Variants in PCDHA6 observed in about 807,000 individuals in gnomAD.
PCDHA6 encodes protocadherin alpha-6.
In PCDHA6, 55 loss-of-function variants were observed where a neutral mutation model predicts 60.3. The ratio of observed to expected loss-of-function variants is 0.91; its 90% CI spans 0.73 to 1.14. The LOEUF (loss-of-function observed/expected upper bound fraction) is 1.14. Among genes scored for constraint, PCDHA6 ranks in the 50% most tolerant of loss-of-function variants. The pLI is 0.00. For synonymous variants in PCDHA6, 652 were observed against 557.9 expected, an observed-to-expected ratio of 1.17 and a Z score of -2.38; for missense variants, 1,327 against 1,256.5, an observed-to-expected ratio of 1.06 and a Z score of -0.85.
intron 1 of PCDHA6, chr5:140,842,066 G>A: frequency 6.2e-7 from 1 of 1,613,874 alleles, no homozygotes; most frequent in Non-Finnish European, 8.5e-7. Flanking sequence ...TGAATACGAA[G>A]TAAGAATATT....
intron 1 of PCDHA6, among the ~76,000 whole-genome samples, chr5:140,874,231 G>T (rs1554167098): frequency 6.6e-6 from 1 of 152,124 alleles, no homozygotes; most frequent in African/African-American, 2.4e-5. Flanking sequence ...GGAATGAATG[G>T]CAACAAATTA....
chr5:140,834,669 T>G (rs2150223867), intron 1 of PCDHA6: 1 of 1,614,208 alleles, frequency 6.2e-7, no homozygotes, highest in East Asian at 2.2e-5. Context: ...CGAGGAGCTG[T>G]GCGGGCGGAG....
chr5:141,000,173 C>T (rs2097895007), intron 3 of PCDHA6, among the ~76,000 whole-genome samples: 1 of 151,968 alleles, frequency 6.6e-6, no homozygotes, highest in Non-Finnish European at 1.5e-5. Flanking sequence ...ATTATTGAGC[C>T]AAGGAGTCAA....
chr5:140,884,312 G>T, intron 1 of PCDHA6: 1 of 1,613,768 alleles, frequency 6.2e-7, no homozygotes, highest in Non-Finnish European at 8.5e-7. Flanking sequence ...TTCGTCGAGG[G>T]CGTCGGCAGG....
At position 140,828,262 on chromosome 5, in the gene PCDHA6, G is replaced by A; in HGVS notation, c.171G>A (p.Ala57=). Residue 57 remains alanine, a synonymous_variant, in exon 1 of 4, where the codon GCG becomes GCA. Transcript: ENST00000529310. ...CGCAGGACCTGGGGCTGGAGCTGGC[G>A]GAGCTGGTGCCGCGCCTGTTCAGGA... is the stretch of plus-strand genomic sequence containing the variant. ...RIAQDLGLEL[A]ELVPRLFRMA... 1.2e-6 allele frequency: 2 copies of A among 1,614,018 alleles called. No individual in the cohort carries two copies. The highest frequency in any genetic ancestry group is 8.5e-7 in the Non-Finnish European group (1 of 1,180,046).
intron 1 of PCDHA6, chr5:140,854,175 A>AAAAG (rs386405127): frequency 4.4e-6 from 3 of 674,282 alleles, no homozygotes; most frequent in African/African-American, 2.0e-5. Flanking sequence ...AAAAAAAAAA[A>AAAAG]AGAGTAGTTT....
intron 1 of PCDHA6, chr5:140,857,404 T>C: frequency 1.3e-6 from 2 of 1,597,962 alleles, no homozygotes; most frequent in Non-Finnish European, 1.7e-6. Flanking sequence ...ACAACGCGCC[T>C]GCGTTCGCGC....
chr5:140,829,843 A>C lies in PCDHA6; in HGVS notation c.1752A>C (p.Ser584=). Residue 584 remains serine, a synonymous_variant, in exon 1 of 4, where the codon TCA becomes TCC. Coordinates refer to ENST00000529310, the MANE Select transcript of PCDHA6 (RefSeq NM_018909.4). Reference sequence around the variant, plus strand: ...CAGTGAGCGAGCTGGTGCCGCGGTCACTGGGTGCAGGCCAAGTGGTGGCGA... The same window carrying C: ...CAGTGAGCGAGCTGGTGCCGCGGTCCCTGGGTGCAGGCCAAGTGGTGGCGA... ...GGAVSELVPR[S]LGAGQVVAKV... The C allele has an allele frequency of 6.2e-7, 1 of 1,613,926 alleles. No individual in the cohort carries two copies. Among genetic ancestry groups the C allele is most frequent in the Non-Finnish European group, 8.5e-7 (1 of 1,179,884 alleles).
At chr5:140,973,472 T>C (rs572763440) in intron 1 of PCDHA6, among the ~76,000 whole-genome samples, 3 of 152,220 alleles carry the variant, frequency 2.0e-5, no homozygotes, top group Non-Finnish European at 4.4e-5. Flanking sequence ...AGTTTGCAAA[T>C]TTCATATTGG....
intron 1 of PCDHA6, among the ~76,000 whole-genome samples, chr5:140,840,723 G>A (rs2150309194): frequency 6.6e-6 from 1 of 152,104 alleles, no homozygotes; most frequent in East Asian, 1.9e-4. Flanking sequence ...ATTGAATAAA[G>A]AAAAGCAAAA....
chr5:140,950,536 T>A (rs182006309), intron 1 of PCDHA6, among the ~76,000 whole-genome samples: 1 of 152,222 alleles, frequency 6.6e-6, no homozygotes, highest in East Asian at 1.9e-4. Flanking sequence ...TTTTTGTTGC[T>A]CTTGCATGGC....
At chr5:140,956,958 A>C (rs970237928) in intron 1 of PCDHA6, among the ~76,000 whole-genome samples, 4 of 134,798 alleles carry the variant, frequency 3.0e-5, no homozygotes, top group Non-Finnish European at 6.6e-5. Context: ...AAACACTGTA[A>C]TTAATCAGTC....
chr5:140,977,383 G>A (rs2096759264), intron 1 of PCDHA6, among the ~76,000 whole-genome samples: 1 of 152,134 alleles, frequency 6.6e-6, no homozygotes, highest in Non-Finnish European at 1.5e-5. Context: ...ATATTTCCAG[G>A]TTTATAAAAT....
At chr5:140,842,935 C>G (rs1329962165) in intron 1 of PCDHA6, 2 of 1,594,326 alleles carry the variant, frequency 1.3e-6, no homozygotes, top group African/African-American at 1.3e-5. Flanking sequence ...TGAGCGCGCG[C>G]GACGCGGGCG....
chr5:140,940,635 TC>T (rs2092658903), intron 1 of PCDHA6, among the ~76,000 whole-genome samples: 1 of 152,214 alleles, frequency 6.6e-6, no homozygotes, highest in African/African-American at 2.4e-5. Context: ...CTTAAGCTTG[TC>T]ATTTATTTAT....
intron 1 of PCDHA6, among the ~76,000 whole-genome samples, chr5:140,921,929 A>C (rs2080500807): frequency 6.6e-6 from 1 of 152,126 alleles, no homozygotes; most frequent in African/African-American, 2.4e-5. Flanking sequence ...CTTATAGTCA[A>C]TATAATTTTA....
intron 1 of PCDHA6, among the ~76,000 whole-genome samples, chr5:140,890,162 A>G (rs1433054233): frequency 6.6e-6 from 1 of 152,184 alleles, no homozygotes; most frequent in Non-Finnish European, 1.5e-5. Context: ...TATTTCTGCC[A>G]CAGAAATAGG....
At chr5:140,906,017 C>G (rs1172988114) in intron 1 of PCDHA6, among the ~76,000 whole-genome samples, 2 of 152,188 alleles carry the variant, frequency 1.3e-5, no homozygotes, top group African/African-American at 2.4e-5. Flanking sequence ...AGTCTAATCT[C>G]TCCACGTTCT....
At chr5:140,836,108 C>T (rs2150253026) in intron 1 of PCDHA6, 50 of 1,613,524 alleles carry the variant, frequency 3.1e-5, no homozygotes, top group Non-Finnish European at 4.0e-5. Flanking sequence ...GCACTGGTGG[C>T]GCAGTGAGAG....
Sources: gnomAD v4.1 joint callset for allele counts (sites outside exome capture counted in the v4.1 genomes callset) on GRCh38, gnomAD v4.1.1 for gene constraint, MANE v1.5 for transcripts, NCBI Gene and HGNC (gene_info 2026-07-23, HGNC 2026-07-21) for gene names.